The following PLEKHG1 variants were observed in gnomAD, a reference collection of about 807,000 sequenced individuals.
PLEKHG1 encodes the protein pleckstrin homology domain-containing family G member 1.
In PLEKHG1, 44 loss-of-function variants were observed where a neutral mutation model predicts 100.8. That is an observed-to-expected ratio of 0.44 (90% CI 0.34 to 0.56). The LOEUF is 0.56. PLEKHG1 is among the 20% of genes least tolerant of loss of function. PLEKHG1 has a pLI of 0.01. For missense variants in PLEKHG1, 1,545 were observed against 1,720.9 expected (o/e 0.90, Z 1.81); for synonymous variants, 640 against 662.5 (o/e 0.97, Z 0.52).
chr6:150,828,140 T>G, intron 14 of PLEKHG1: 1 of 1,613,668 alleles, frequency 6.2e-7, no homozygotes, highest in Non-Finnish European at 8.5e-7. Flanking sequence ...CCAATTATAC[T>G]GATAGGAATC....
chr6:150,693,738 C>G (rs1187924228), intron 3 of PLEKHG1, among the ~76,000 whole-genome samples: 1 of 152,206 alleles, frequency 6.6e-6, no homozygotes, highest in Admixed American at 6.5e-5. Flanking sequence ...ATATATGGCC[C>G]ATGTTGTTAT....
At chr6:150,753,477 G>A (rs1171709573) in intron 2 of PLEKHG1, among the ~76,000 whole-genome samples, 3 of 152,164 alleles carry the variant, frequency 2.0e-5, no homozygotes, top group African/African-American at 4.8e-5. Context: ...TGGGTGCCTC[G>A]TAAGGAGGGG....
intron 3 of PLEKHG1, among the ~76,000 whole-genome samples, chr6:150,674,240 G>A (rs1289296783): frequency 2.0e-5 from 3 of 151,920 alleles, no homozygotes; most frequent in African/African-American, 7.3e-5. Context: ...TACCTATCAA[G>A]TTAGGGATAT....
chr6:150,693,544 C>T (rs1780425610), intron 3 of PLEKHG1, among the ~76,000 whole-genome samples: 1 of 152,158 alleles, frequency 6.6e-6, no homozygotes, highest in African/African-American at 2.4e-5. Context: ...CATCAGTAAC[C>T]ACCCTCTCTT....
rs570141304 is a variant in PLEKHG1, at chr6:150,813,165, C to T, written c.1278+3431C>T. Among the ~76,000 whole-genome samples the T allele has an allele frequency of 7.9e-5, 12 of 152,020 alleles. No homozygotes were observed. The South Asian group carries it at 2.1e-3, about 26-fold the overall frequency. On this transcript the variant is annotated intron_variant, in intron 10 of 15. Coordinates refer to ENST00000358517, the Ensembl canonical transcript of PLEKHG1. ...CTAAAAATACAAAAAATTAGCTAGG[C>T]GTGGTGGCGGGTGCCTGTAGTCCCA... is the stretch of plus-strand genomic sequence containing the variant.
chr6:150,608,144 T>A lies in PLEKHG1; in HGVS notation c.-204+8127T>A, dbSNP rs556012003. On this transcript the variant is annotated intron_variant, in intron 1 of 3. Coordinates refer to the PLEKHG1 transcript ENST00000367326. ...GGTCCACAGGTGTGTCCCATCCCAA[T>A]GAAGCATTACCTTTAGCCACTTAGA... is the stretch of plus-strand genomic sequence containing the variant. Among the ~76,000 whole-genome samples the A allele has an allele frequency of 1.5e-4, 23 of 152,348 alleles. No homozygotes were observed. The South Asian group carries it at 4.6e-3, about 30-fold the overall frequency.
At chr6:150,606,135 C>T (rs1776589620) in intron 1 of PLEKHG1, among the ~76,000 whole-genome samples, 1 of 152,088 alleles carries the variant, frequency 6.6e-6, no homozygotes, top group Admixed American at 6.6e-5. Flanking sequence ...TTTGGTGAAA[C>T]CTTCACTTTG....
Position 150,839,726 on chromosome 6 carries a change from T to C in PLEKHG1, c.3095-107T>C. On this transcript the variant is annotated intron_variant, in intron 15 of 15. Coordinates refer to ENST00000358517, the Ensembl canonical transcript of PLEKHG1. ...TTAGACATCAGTTAGTCTTGTCTAC[T>C]GTCAAAATTTTAAAATACGTTGGTT... The C allele has an allele frequency of 4.2e-6, 3 of 712,020 alleles. No homozygotes were observed. The South Asian group carries it at 5.5e-5, about 13-fold the overall frequency. The allele number at this position is 712,020 out of a possible 1,614,324, so 44.1% of individuals were successfully genotyped here. A position where few individuals can be genotyped will look rare whatever the true frequency, so the allele number is the denominator to read the frequency against.
intron 2 of PLEKHG1, among the ~76,000 whole-genome samples, chr6:150,759,266 G>A (rs76950614): frequency 0.042 from 6,336 of 152,268 alleles, 200 homozygotes; most frequent in African/African-American, 0.095. Context: ...ATGAAAACAT[G>A]AAGGCAGTGG....
At chr6:150,660,289 A>G (rs998854348) in intron 3 of PLEKHG1, among the ~76,000 whole-genome samples, 3 of 152,222 alleles carry the variant, frequency 2.0e-5, no homozygotes, top group Non-Finnish European at 4.4e-5. Context: ...TATGTTTGAT[A>G]AAACTGTCTT....
At chr6:150,758,031 T>G (rs1344967504) in intron 2 of PLEKHG1, among the ~76,000 whole-genome samples, 2 of 152,214 alleles carry the variant, frequency 1.3e-5, no homozygotes, top group African/African-American at 4.8e-5. Flanking sequence ...TATGGCTGTA[T>G]AGTGTTCCAT....
chr6:150,731,124 A>T (rs939991016), intron 1 of PLEKHG1, among the ~76,000 whole-genome samples: 1 of 152,172 alleles, frequency 6.6e-6, no homozygotes, highest in African/African-American at 2.4e-5. Flanking sequence ...CACCAGTCCC[A>T]AACGTGAGTA....
At chr6:150,639,816 A>G (rs1214377729) in intron 2 of PLEKHG1, among the ~76,000 whole-genome samples, 3 of 152,228 alleles carry the variant, frequency 2.0e-5, no homozygotes, top group Admixed American at 6.5e-5. Flanking sequence ...CAATGGAGCC[A>G]TGGACCAGGC....
exon 16 of PLEKHG1, chr6:150,840,316 T>C (rs1490018330): frequency 1.2e-6 from 2 of 1,614,198 alleles, no homozygotes; most frequent in East Asian, 2.2e-5. Flanking sequence ...AACAAATCAA[T>C]GGATTCCATC....
At position 150,675,603 on chromosome 6, in the gene PLEKHG1, C is replaced by T. The variant is rs920570910; in HGVS notation, c.-99+24817C>T. Among the ~76,000 whole-genome samples the T allele has an allele frequency of 7.9e-5, 12 of 152,142 alleles. No individual in the cohort carries two copies. The East Asian group carries it at 1.3e-3, about 17-fold the overall frequency. On this transcript the variant is annotated intron_variant, in intron 3 of 3. Transcript: ENST00000367326. ...CTTATTTTTGTTTTTGTTTTTGAGA[C>T]GGAGTCTCCCTCTGTCACCCAGGCT...
At chr6:150,822,150 CAAAAAAAAAAAA>C (rs58672381) in intron 13 of PLEKHG1, among the ~76,000 whole-genome samples, 7 of 36,700 alleles carry the variant, frequency 1.9e-4, no homozygotes, top group Admixed American at 1.1e-3. Context: ...CCAAAGGACT[CAAAAAAAAAAAA>C]AAAAAAAAAA....
At chr6:150,692,158 G>A (rs1181983854) in intron 3 of PLEKHG1, among the ~76,000 whole-genome samples, 1 of 152,196 alleles carries the variant, frequency 6.6e-6, no homozygotes, top group African/African-American at 2.4e-5. Flanking sequence ...TAAAGACAGA[G>A]AAATTGCACA....
intron 2 of PLEKHG1, among the ~76,000 whole-genome samples, chr6:150,749,900 C>T (rs960133012): frequency 4.6e-5 from 7 of 151,848 alleles, no homozygotes; most frequent in African/African-American, 7.3e-5. Flanking sequence ...AGTGAAACCC[C>T]GTCTCTACTA....
intron 10 of PLEKHG1, among the ~76,000 whole-genome samples, chr6:150,810,126 A>G (rs1012806146): frequency 6.6e-6 from 1 of 151,838 alleles, no homozygotes; most frequent in Non-Finnish European, 1.5e-5. Flanking sequence ...TGATACCCCC[A>G]TCTCTACAAA....
Sources: allele counts gnomAD v4.1 joint callset (sites outside exome capture counted in the v4.1 genomes callset), GRCh38; gene constraint gnomAD v4.1.1; transcripts MANE v1.5; gene names NCBI Gene and HGNC (gene_info 2026-07-23, HGNC 2026-07-21).